The following RAF1 variants were observed in gnomAD, a reference collection of about 807,000 sequenced individuals.
RAF1 encodes Raf-1 proto-oncogene, serine/threonine kinase.
Under a neutral mutation model 81.1 loss-of-function variants are expected in RAF1, and 27 were observed. The observed-to-expected ratio is 0.33, with a 90% CI of 0.25 to 0.46. The LOEUF is 0.46. RAF1 is among the 20% of genes least tolerant of loss of function. The probability of loss-of-function intolerance (pLI) is 1.00; values close to 1 mark genes in which losing one functional copy is unlikely to be tolerated. For missense variants in RAF1, 598 were observed against 826.0 expected (o/e 0.72, Z 3.38); for synonymous variants, 298 against 294.0 (o/e 1.01, Z -0.14).
chr3:12,597,681 G>A (rs113533947), intron 11 of RAF1, among the ~76,000 whole-genome samples: 1 of 152,060 alleles, frequency 6.6e-6, no homozygotes, highest in East Asian at 1.9e-4. Context: ...TTGGGAGGCC[G>A]AGGCAGGCGG....
chr3:12,608,624 T>G, intron 5 of RAF1, 142 bp downstream of exon 5: 1 of 972,008 alleles, frequency 1.0e-6, no homozygotes, highest in Admixed American at 1.9e-5. Flanking sequence ...GAATTATCAC[T>G]GTTTCTAAAG....
At chr3:12,585,507 G>A (rs1215128290) in intron 15 of RAF1, 174 bp downstream of exon 14, 1 of 920,162 alleles carries the variant, frequency 1.1e-6, no homozygotes, top group Non-Finnish European at 1.3e-6. Flanking sequence ...CTTCACAGTG[G>A]TTCTGATCAA....
chr3:12,619,956 C>G (rs2059504742), intron 1 of RAF1, among the ~76,000 whole-genome samples: 1 of 151,886 alleles, frequency 6.6e-6, no homozygotes, highest in African/African-American at 2.4e-5. Context: ...GTGGCGGGCG[C>G]CTGTAGTCCC....
chr3:12,624,889 A>AC (rs1471938586), intron 1 of RAF1, among the ~76,000 whole-genome samples: 1 of 51,188 alleles, frequency 2.0e-5, no homozygotes, highest in Non-Finnish European at 4.4e-5. Flanking sequence ...CCAACTCAAA[A>AC]AAAAAAAAAA....
At chr3:12,610,008 A>T (rs1417858078) in intron 3 of RAF1, among the ~76,000 whole-genome samples, 1 of 152,226 alleles carries the variant, frequency 6.6e-6, no homozygotes, top group Admixed American at 6.5e-5. Context: ...TTAATAACAG[A>T]CTCAAATCTG....
chr3:12,642,018 G>T (rs927755214), intron 1 of RAF1, among the ~76,000 whole-genome samples: 1 of 151,940 alleles, frequency 6.6e-6, no homozygotes, highest in Non-Finnish European at 1.5e-5. Context: ...CATAGTGGCA[G>T]GCACCTGTAA....
chr3:12,587,789 C>A, intron 13 of RAF1, 152 bp from the exon 13 acceptor site: 7 of 563,908 alleles, frequency 1.2e-5, no homozygotes, highest in African/African-American at 1.9e-5. Context: ...GCCTGGTTCA[C>A]ATCACTGCTT....
intron 7 of RAF1, chr3:12,603,601 G>A: frequency 3.1e-6 from 2 of 654,200 alleles, no homozygotes; most frequent in South Asian, 3.3e-5. Context: ...AGTGTATTCA[G>A]TTGTTATTAA....
At chr3:12,611,900 T>C (rs1043884119) in intron 3 of RAF1, 50 bp downstream of exon 3, 1 of 1,307,774 alleles carries the variant, frequency 7.6e-7, no homozygotes. Flanking sequence ...TATTTGAAGC[T>C]AGAAGATCCT....
chr3:12,618,556 T>G lies in RAF1; in HGVS notation c.166A>C (p.Asn56His), dbSNP rs1417918204. 1 of 1,614,210 alleles carries G rather than the reference T, an allele frequency of 6.2e-7. No individual in the cohort carries two copies. The highest frequency in any genetic ancestry group is 8.5e-7 in the Non-Finnish European group (1 of 1,180,042). The change falls in exon 2 of 18, where the codon AAC (asparagine) becomes CAC (histidine). Residue 56 changes from asparagine (N) to histidine (H), a missense_variant. Asn to His is a moderately conservative substitution (Grantham distance 68). Transcript: ENST00000442415. ...TTCGGCAAGAAAACACGGATAGTGT[T>G]GCTTGTCTTAGAAGGATCTGTGAGT...
intron 1 of RAF1, among the ~76,000 whole-genome samples, chr3:12,654,183 T>C (rs1455906200): frequency 1.3e-5 from 2 of 150,894 alleles, no homozygotes; most frequent in Non-Finnish European, 3.0e-5. Flanking sequence ...AGATGGGGTC[T>C]CACTATGATG....
In RAF1 at chr3:12,606,283, T is replaced by C. The variant is rs1400058122; in HGVS notation, c.598A>G (p.Thr200Ala). ...GCTGGGACTCCACTATCACCAATAGTGGAATTTGGAAACAATCTAAACAAA... is the reference window on the plus strand; with the variant it reads ...GCTGGGACTCCACTATCACCAATAGCGGAATTTGGAAACAATCTAAACAAA... The change falls in exon 6 of 18, where the codon ACT (threonine) becomes GCT (alanine). Residue 200 changes from threonine (T) to alanine (A), a missense_variant. Around this residue, in one of 5 missense-constraint regions of RAF1, gnomAD observed 194 missense variants for 202.7 expected, o/e 0.96. Transcript: ENST00000442415. The C allele has an allele frequency of 2.5e-6, 4 of 1,612,638 alleles. No homozygotes were observed.
chr3:12,657,669 G>A (rs2060740256), intron 1 of RAF1, among the ~76,000 whole-genome samples: 1 of 152,006 alleles, frequency 6.6e-6, no homozygotes. Context: ...TACTCAGGAG[G>A]CTGAGGCAGG....
intron 1 of RAF1, among the ~76,000 whole-genome samples, chr3:12,652,391 G>A (rs1249507381): frequency 5.8e-5 from 7 of 121,596 alleles, no homozygotes; most frequent in East Asian, 2.6e-4. Flanking sequence ...CATGGTGGCC[G>A]GTGCCTGTAA....
At chr3:12,621,403 A>G (rs567141034) in intron 1 of RAF1, among the ~76,000 whole-genome samples, 160 of 152,334 alleles carry the variant, frequency 1.1e-3, no homozygotes, top group African/African-American at 2.7e-3. Context: ...AATATCCACT[A>G]TATGCTAAAT....
chr3:12,620,047 A>G (rs1224837247), intron 1 of RAF1, among the ~76,000 whole-genome samples: 1 of 152,156 alleles, frequency 6.6e-6, no homozygotes, highest in Admixed American at 6.5e-5. Context: ...GCACCACTGC[A>G]CTCCAGCCTG....
intron 1 of RAF1, among the ~76,000 whole-genome samples, chr3:12,628,293 G>C (rs1343902316): frequency 3.9e-5 from 6 of 152,098 alleles, no homozygotes; most frequent in Admixed American, 1.3e-4. Flanking sequence ...CACTTTGGGA[G>C]ACCAAGGTAG....
At chr3:12,653,998 T>C (rs2060610179) in intron 1 of RAF1, among the ~76,000 whole-genome samples, 2 of 151,376 alleles carry the variant, frequency 1.3e-5, no homozygotes, top group Non-Finnish European at 2.9e-5. Context: ...TTTTCTTTTT[T>C]TTTTTTTTCA....
intron 1 of RAF1, among the ~76,000 whole-genome samples, chr3:12,663,087 G>A (rs149461744): frequency 6.6e-6 from 1 of 152,112 alleles, no homozygotes; most frequent in Non-Finnish European, 1.5e-5. Context: ...GAATGAACAC[G>A]GCCGCCTCGC....
Sources: gnomAD v4.1 joint callset for allele counts (sites outside exome capture counted in the v4.1 genomes callset) on GRCh38, gnomAD v4.1.1 for gene constraint, gnomAD v4.1.1 regional missense constraint, MANE v1.5 for transcripts, NCBI Gene and HGNC (gene_info 2026-07-23, HGNC 2026-07-21) for gene names.